The following MYO5A variants were observed in gnomAD, a reference collection of about 807,000 sequenced individuals.
MYO5A encodes the protein myosin VA.
MYO5A carries 98 observed loss-of-function variants against 249.7 expected under a neutral mutation model. The ratio of observed to expected loss-of-function variants is 0.39; its 90% CI spans 0.33 to 0.46. The LOEUF is 0.46. Among genes scored for constraint, MYO5A ranks in the 20% least tolerant of loss-of-function variants. The probability of loss-of-function intolerance (pLI) is 0.98; values close to 1 mark genes in which losing one functional copy is unlikely to be tolerated. For synonymous variants in MYO5A, 778 were observed against 810.6 expected (o/e 0.96, Z 0.68); for missense variants, 1,696 against 2,308.8 (o/e 0.73, Z 5.44).
chr15:52,399,867 A>C (rs147530251), intron 9 of MYO5A, among the ~76,000 whole-genome samples: 7 of 152,128 alleles, frequency 4.6e-5, no homozygotes, highest in African/African-American at 1.4e-4. Flanking sequence ...GACCATGTGC[A>C]CCCAACGTTT....
intron 9 of MYO5A, 44 bp downstream of exon 9, chr15:52,405,243 A>G (rs781652754): frequency 7.3e-7 from 1 of 1,377,402 alleles, no homozygotes; most frequent in Non-Finnish European, 1.0e-6. Flanking sequence ...CAAATCTAAA[A>G]CATAATTCAA....
intron 18 of MYO5A, 141 bp from the exon 19 acceptor site, chr15:52,376,699 C>G (rs1011136945): frequency 2.6e-6 from 2 of 757,212 alleles, no homozygotes; most frequent in Non-Finnish European, 4.3e-6. Flanking sequence ...ACTAATGGAG[C>G]CAGATTTTTA....
intron 15 of MYO5A, 28 bp downstream of exon 15, chr15:52,384,133 C>T (rs1490911545): frequency 2.5e-6 from 4 of 1,613,512 alleles, no homozygotes; most frequent in African/African-American, 1.3e-5. Flanking sequence ...AAGGAAGGAG[C>T]GTGGCAGCGG....
intron 1 of MYO5A, among the ~76,000 whole-genome samples, chr15:52,497,906 T>C (rs533789947): frequency 2.2e-4 from 33 of 150,032 alleles, no homozygotes; most frequent in Non-Finnish European, 1.6e-4. Flanking sequence ...AAATGAAAAA[T>C]AATAAAAATT....
intron 18 of MYO5A, 66 bp downstream of exon 18, chr15:52,379,559 G>T: frequency 1.4e-6 from 2 of 1,423,636 alleles, no homozygotes; most frequent in Non-Finnish European, 2.0e-6. Flanking sequence ...AAAAGTTCCC[G>T]GGGCTTTCCA....
chr15:52,425,996 A>T (rs1392020202), intron 3 of MYO5A, 22 bp from the exon 4 acceptor site: 1 of 1,606,370 alleles, frequency 6.2e-7, no homozygotes, highest in East Asian at 2.2e-5. Context: ...GTAGGGGACA[A>T]GAAAGAAAAA....
intron 1 of MYO5A, among the ~76,000 whole-genome samples, chr15:52,442,821 T>A (rs553929844): frequency 6.6e-5 from 10 of 151,224 alleles, no homozygotes; most frequent in Non-Finnish European, 1.5e-4. Context: ...AGTGGCACGA[T>A]CTCGGCTCAC....
chr15:52,313,944 A>C, intron 41 of MYO5A, 96 bp from the exon 42 acceptor site: 1 of 1,467,890 alleles, frequency 6.8e-7, no homozygotes, highest in Non-Finnish European at 9.4e-7. Flanking sequence ...TTCTCAACTA[A>C]TGAAGAATGT....
chr15:52,400,277 T>G (rs1193372095), intron 9 of MYO5A, among the ~76,000 whole-genome samples: 1 of 152,198 alleles, frequency 6.6e-6, no homozygotes, highest in Non-Finnish European at 1.5e-5. Flanking sequence ...AACATCCCAT[T>G]CCAATTTATC....
chr15:52,479,831 C>G (rs557866173), intron 1 of MYO5A, among the ~76,000 whole-genome samples: 217 of 152,332 alleles, frequency 1.4e-3, no homozygotes, highest in African/African-American at 5.0e-3. Flanking sequence ...AGAGCCACAC[C>G]TCTCTTAGAC....
chr15:52,456,047 A>T (rs2076111647), intron 1 of MYO5A, among the ~76,000 whole-genome samples: 1 of 152,162 alleles, frequency 6.6e-6, no homozygotes, highest in South Asian at 2.1e-4. Flanking sequence ...ACATGATCTT[A>T]TTATTTAGAA....
intron 25 of MYO5A, among the ~76,000 whole-genome samples, chr15:52,356,780 T>C (rs1342538936): frequency 7.8e-6 from 1 of 128,230 alleles, no homozygotes; most frequent in Admixed American, 7.1e-5. Context: ...TCGCTGTTGA[T>C]TTAATTTGCA....
chr15:52,476,485 C>T (rs1290024572), intron 1 of MYO5A, among the ~76,000 whole-genome samples: 2 of 152,154 alleles, frequency 1.3e-5, no homozygotes, highest in Non-Finnish European at 2.9e-5. Context: ...TTCTTCCTAG[C>T]ATCGATGGTC....
At chr15:52,486,522 C>T (rs1227116707) in intron 1 of MYO5A, among the ~76,000 whole-genome samples, 1 of 152,148 alleles carries the variant, frequency 6.6e-6, no homozygotes, top group Non-Finnish European at 1.5e-5. Flanking sequence ...GTTTTATTTT[C>T]TTCCCATTTT....
intron 1 of MYO5A, among the ~76,000 whole-genome samples, chr15:52,497,641 C>T (rs999422067): frequency 6.7e-6 from 1 of 149,778 alleles, no homozygotes; most frequent in Admixed American, 6.7e-5. Flanking sequence ...CCTGTAGTCC[C>T]AGCTACTCGG....
chr15:52,340,343 G>C lies in MYO5A; in HGVS notation c.4092C>G (p.Ala1364=). The change falls in exon 32 of 42, where the codon GCC becomes GCG. Residue 1364 remains alanine, a synonymous_variant. Transcript: ENST00000399233. ...QSQKRSHENE[A]EALRGEIQSL... is the part of the protein sequence containing the mutation. ...TCTGGATCTCCCCACGGAGGGCCTCGGCCTCATTCTCATGGCTCCTCTTCT... is the reference window on the plus strand; with the variant it reads ...TCTGGATCTCCCCACGGAGGGCCTCCGCCTCATTCTCATGGCTCCTCTTCT... 6.2e-7 allele frequency: 1 copy of C among 1,613,846 alleles called. No homozygotes were observed. The highest frequency in any genetic ancestry group is 8.5e-7 in the Non-Finnish European group (1 of 1,180,028).
intron 1 of MYO5A, among the ~76,000 whole-genome samples, chr15:52,517,499 A>T (rs1035712043): frequency 6.6e-6 from 1 of 152,192 alleles, no homozygotes; most frequent in Non-Finnish European, 1.5e-5. Flanking sequence ...AGCCTAGCCA[A>T]CATGGTGAAA....
At chr15:52,456,352 G>A (rs2076119150) in intron 1 of MYO5A, among the ~76,000 whole-genome samples, 1 of 152,064 alleles carries the variant, frequency 6.6e-6, no homozygotes, top group Non-Finnish European at 1.5e-5. Flanking sequence ...CATGCTTGTG[G>A]ATGAAAAGAC....
At chr15:52,507,407 C>T (rs556131963) in intron 1 of MYO5A, among the ~76,000 whole-genome samples, 79 of 152,298 alleles carry the variant, frequency 5.2e-4, no homozygotes, top group Admixed American at 2.1e-3. Flanking sequence ...GCTGACATTG[C>T]TGAGTTGTAG....
Sources: gnomAD v4.1 joint callset for allele counts (sites outside exome capture counted in the v4.1 genomes callset) on GRCh38, gnomAD v4.1.1 for gene constraint, MANE v1.5 for transcripts, NCBI Gene and HGNC (gene_info 2026-07-23, HGNC 2026-07-21) for gene names.